Variants in TMEFF2 observed in about 807,000 individuals in gnomAD.
The protein encoded by TMEFF2 is tomoregulin-2.
A neutral mutation model predicts 53.8 loss-of-function variants in TMEFF2; 28 were observed. The ratio of observed to expected loss-of-function variants is 0.52; its 90% CI spans 0.39 to 0.71. TMEFF2 has a LOEUF of 0.71. TMEFF2 is among the 30% of genes least tolerant of loss of function. The pLI is 0.00. For synonymous variants in TMEFF2, 162 were observed against 166.3 expected (o/e 0.97, Z 0.20); for missense variants, 353 against 455.2 (o/e 0.78, Z 2.04).
intron 7 of TMEFF2, among the ~76,000 whole-genome samples, chr2:191,990,142 C>T (rs1487938611): frequency 2.0e-5 from 3 of 152,124 alleles, no homozygotes; most frequent in Non-Finnish European, 4.4e-5. Flanking sequence ...CTTTTGATTA[C>T]ATCCAAGTTC....
intron 4 of TMEFF2, among the ~76,000 whole-genome samples, chr2:192,065,653 CT>C (rs1688152589): frequency 6.6e-6 from 1 of 151,304 alleles, no homozygotes; most frequent in Admixed American, 6.6e-5. Context: ...TCTTTTTTTA[CT>C]TTATTTACAT....
At chr2:192,153,207 C>T (rs951485754) in intron 4 of TMEFF2, among the ~76,000 whole-genome samples, 1 of 151,608 alleles carries the variant, frequency 6.6e-6, no homozygotes, top group African/African-American at 2.4e-5. Flanking sequence ...TATTAAGAAT[C>T]TAAACCAAAT....
intron 4 of TMEFF2, among the ~76,000 whole-genome samples, chr2:192,171,139 A>G (rs1426862922): frequency 1.3e-5 from 2 of 152,084 alleles, no homozygotes; most frequent in Non-Finnish European, 2.9e-5. Flanking sequence ...AAGAAGAAGG[A>G]TATCTTAAAT....
rs1374139349 is a variant in TMEFF2 at position 191,964,375 on chromosome 2, TTTCTTTCTTTCTTTCTTTCTTTC to T, written c.746-8020_746-7998del. On this transcript the variant is annotated intron_variant, in intron 7 of 9. Transcript: ENST00000272771. ...TTCTTTCTTTCTTTCTTTCTTTCTCTTTCTTTCTTTCTTTCTTTCTTTCTCTTTCTTTCTTTCTTTCTTTCTTT... is the reference window on the plus strand; with the variant it reads ...TTCTTTCTTTCTTTCTTTCTTTCTCTTCTTTCTTTCTTTCTTTCTTTCTTT... Among the ~76,000 whole-genome samples, 28 of 20,276 alleles carry T rather than the reference TTTCTTTCTTTCTTTCTTTCTTTC, an allele frequency of 1.4e-3. 1 individual carries two copies. The East Asian group carries it at 0.016, about 11-fold the overall frequency. The allele number at this position is 20,276 out of a possible 152,430, so 13.3% of individuals were successfully genotyped here.
At chr2:192,048,395 C>CACACACACACACAG (rs1260466382) in intron 5 of TMEFF2, among the ~76,000 whole-genome samples, 1 of 151,090 alleles carries the variant, frequency 6.6e-6, no homozygotes, top group African/African-American at 2.4e-5. Context: ...CACACACACA[C>CACACACACACACAG]AGAAAATATA....
rs1441588868 is a variant in TMEFF2, at chr2:191,949,242, G to GTCTT, written c.*1065_*1068dup. The GTCTT allele has an allele frequency of 6.1e-6, 6 of 985,172 alleles. No homozygotes were observed. In the African/African-American group the frequency reaches 1.0e-4, roughly 17 times the overall value. The allele number at this position is 985,172 out of a possible 1,614,324, so 61.0% of individuals were successfully genotyped here. A position where few individuals can be genotyped will look rare whatever the true frequency, so the allele number is the denominator to read the frequency against. On this transcript the variant is annotated 3_prime_UTR_variant, in exon 10 of 10. Transcript: ENST00000272771. Reference sequence around the variant, plus strand: ...AAATCCATACCAACTTCCCAGTGAGGTCTTTCAGATGCTATAGGATTAATT... The same window carrying GTCTT: ...AAATCCATACCAACTTCCCAGTGAGGTCTTTCTTTCAGATGCTATAGGATTAATT...
intron 4 of TMEFF2, among the ~76,000 whole-genome samples, chr2:192,076,868 G>A (rs1688444016): frequency 1.3e-5 from 2 of 152,190 alleles, no homozygotes; most frequent in Admixed American, 1.3e-4. Context: ...GTGCTTAGGT[G>A]TGTAATTAAA....
chr2:191,999,027 A>ATTCTT (rs1432020043), intron 6 of TMEFF2, 33 bp downstream of exon 6: 2 of 1,569,532 alleles, frequency 1.3e-6, no homozygotes, highest in Non-Finnish European at 1.7e-6. Flanking sequence ...GACTAAAATC[A>ATTCTT]TTCTTTGAAA....
At chr2:192,058,072 G>A (rs1687954520) in intron 4 of TMEFF2, among the ~76,000 whole-genome samples, 1 of 152,196 alleles carries the variant, frequency 6.6e-6, no homozygotes, top group Admixed American at 6.5e-5. Flanking sequence ...CCATATGAAA[G>A]AGTTATTTAG....
intron 7 of TMEFF2, among the ~76,000 whole-genome samples, chr2:191,985,451 A>G (rs1685953648): frequency 6.6e-6 from 1 of 152,176 alleles, no homozygotes; most frequent in South Asian, 2.1e-4. Context: ...TTTTTCTTTT[A>G]ATGACTTTTA....
chr2:192,038,433 ATACT>A (rs1323018300), intron 5 of TMEFF2, among the ~76,000 whole-genome samples: 1 of 152,186 alleles, frequency 6.6e-6, no homozygotes, highest in Admixed American at 6.5e-5. Context: ...TACAACAATA[ATACT>A]TAGTTGTTAT....
chr2:192,177,296 T>C (rs1481436442), intron 4 of TMEFF2: 2 of 151,224 alleles, frequency 1.3e-5, no homozygotes, highest in African/African-American at 4.8e-5. Context: ...CAAATATATC[T>C]TACGATTACA....
chr2:192,147,116 C>T (rs966431299), intron 4 of TMEFF2, among the ~76,000 whole-genome samples: 3 of 151,978 alleles, frequency 2.0e-5, no homozygotes, highest in Admixed American at 6.6e-5. Flanking sequence ...TAAGACTCCC[C>T]TTTCCAGAAT....
chr2:191,984,079 T>C (rs1685918327), intron 7 of TMEFF2, among the ~76,000 whole-genome samples: 1 of 152,166 alleles, frequency 6.6e-6, no homozygotes, highest in South Asian at 2.1e-4. Context: ...TTAAAGGTAA[T>C]ATAAGCTATG....
intron 4 of TMEFF2, among the ~76,000 whole-genome samples, chr2:192,167,450 C>T (rs553138900): frequency 1.3e-5 from 2 of 152,138 alleles, no homozygotes; most frequent in Non-Finnish European, 2.9e-5. Flanking sequence ...AGCCTACCCA[C>T]GCCTGCAGCT....
chr2:191,999,306 C>T, intron 5 of TMEFF2, 98 bp from the exon 6 acceptor site: 1 of 1,088,598 alleles, frequency 9.2e-7, no homozygotes, highest in South Asian at 2.6e-5. Flanking sequence ...TGACAAAATG[C>T]AAGTTGGCAA....
intron 4 of TMEFF2, among the ~76,000 whole-genome samples, chr2:192,074,059 C>G (rs374425071): frequency 5.3e-5 from 8 of 152,064 alleles, no homozygotes; most frequent in African/African-American, 1.9e-4. Flanking sequence ...ACTGAGATCA[C>G]TCATCAAATA....
At chr2:192,155,802 C>CA (rs1293652422) in intron 4 of TMEFF2, among the ~76,000 whole-genome samples, 4 of 151,460 alleles carry the variant, frequency 2.6e-5, no homozygotes, top group East Asian at 1.9e-4. Context: ...ATTTACTTGT[C>CA]AAAAAAAGAA....
intron 4 of TMEFF2, among the ~76,000 whole-genome samples, chr2:192,155,099 G>A (rs1690477242): frequency 6.6e-6 from 1 of 151,840 alleles, no homozygotes; most frequent in African/African-American, 2.4e-5. Context: ...TTAGGTTTTG[G>A]TGTTGTACTA....
Sources: gnomAD v4.1 joint callset for allele counts (sites outside exome capture counted in the v4.1 genomes callset) on GRCh38, gnomAD v4.1.1 for gene constraint, MANE v1.5 for transcripts, NCBI Gene and HGNC (gene_info 2026-07-23, HGNC 2026-07-21) for gene names.